Variants in TRAF1 observed in about 807,000 individuals in gnomAD.
The protein encoded by TRAF1 is TNF receptor-associated factor 1.
A neutral mutation model predicts 40.9 loss-of-function variants in TRAF1; 23 were observed. The observed-to-expected ratio is 0.56, with a 90% CI of 0.40 to 0.80. TRAF1 has a LOEUF of 0.80. TRAF1 is among the 30% of genes least tolerant of loss of function. TRAF1 has a pLI of 0.00. For synonymous variants in TRAF1, 206 were observed against 218.8 expected (o/e 0.94, Z 0.52); for missense variants, 477 against 528.7 (o/e 0.90, Z 0.96).
chr9:120,926,357 G>A (rs971231768), intron 1 of TRAF1, 56 bp from the exon 2 acceptor site: 5 of 268,962 alleles, frequency 1.9e-5, no homozygotes, highest in African/African-American at 4.4e-5. Context: ...AAGCAAGAGA[G>A]CAAGTCAGAG....
chr9:120,906,859 C>CTTTTGT (rs372305964), intron 7 of TRAF1, among the ~76,000 whole-genome samples: 8 of 152,238 alleles, frequency 5.3e-5, no homozygotes, highest in East Asian at 1.9e-4. Flanking sequence ...GTCTCCATAG[C>CTTTTGT]TTTTGTTTTT....
chr9:120,919,622 G>A (rs1233509066), intron 3 of TRAF1, among the ~76,000 whole-genome samples: 2 of 152,178 alleles, frequency 1.3e-5, no homozygotes, highest in African/African-American at 4.8e-5. Flanking sequence ...CAGTCACATG[G>A]GGAGCTTGGT....
At position 120,926,139 on chromosome 9, in the gene TRAF1, T is replaced by A. The variant is rs894423069; in HGVS notation, c.-64A>T. The stretch of plus-strand genomic sequence containing the variant: ...GCTCCAGGGCAGGGGACCAGCCTTG[T>A]GGAGTCCTGGCCTGGGCCTCACTCT... On this transcript the variant is annotated 5_prime_UTR_variant, in exon 2 of 8. Transcript: ENST00000373887. 6 of 1,466,826 alleles carry A rather than the reference T, an allele frequency of 4.1e-6. No individual in the cohort carries two copies. The African/African-American group carries it at 8.5e-5, about 21-fold the overall frequency. The allele number at this position is 1,466,826 out of a possible 1,614,324, so 90.9% of individuals were successfully genotyped here.
In TRAF1 at chr9:120,926,319, C is replaced by T; in HGVS notation, c.-226-18G>A. The T allele has an allele frequency of 2.9e-6, 1 of 339,240 alleles. No individual in the cohort carries two copies. Among genetic ancestry groups the T allele is most frequent in the Non-Finnish European group, 5.2e-6 (1 of 193,014 alleles). The allele number at this position is 339,240 out of a possible 1,614,324, so 21.0% of individuals were successfully genotyped here. ...ACTGAAGGCTTTAGGAGTGTCCAGT[C>T]ATTTTTTTTTTTTTTTAGAGTGAGA... On this transcript the variant is annotated intron_variant, in intron 1 of 7. Transcript: ENST00000373887.
Position 120,923,685 on chromosome 9 carries a change from T to C in TRAF1, c.228+20A>G, listed in dbSNP as rs2046619266. 2 of 1,613,492 alleles carry C rather than the reference T, an allele frequency of 1.2e-6. No individual in the cohort carries two copies. ...AATCAAGACAACGGACAAATGCCTT[T>C]CTGTGATGTGCCAACGTACCTTCTC... On this transcript the variant is annotated intron_variant, in intron 3 of 7. Transcript: ENST00000373887.
rs568283719 is a variant in TRAF1 at position 120,909,248 on chromosome 9, C to G, written c.1014G>C (p.Pro338=). The G allele has an allele frequency of 1.4e-5, 22 of 1,614,048 alleles. 1 individual carries two copies. The South Asian group carries it at 2.0e-4, about 15-fold the overall frequency. The change falls in exon 7 of 8, where the codon CCG becomes CCC. Residue 338 remains proline (P), a synonymous_variant. Transcript: ENST00000373887. ...CCCATACCTTGTTCCGGAAGGGCCA[C>G]GGCAGCAGCGCATCATACTCCCCTC... ...IMRGEYDALL[P]WPFRNKVTFM... is the part of the protein sequence containing the mutation.
chr9:120,924,480 T>C (rs1259745073), intron 2 of TRAF1, among the ~76,000 whole-genome samples: 1 of 152,136 alleles, frequency 6.6e-6, no homozygotes, highest in Non-Finnish European at 1.5e-5. Flanking sequence ...AGTGGTGCGA[T>C]CTCAGCTCAC....
chr9:120,907,339 C>T (rs2046491064), intron 7 of TRAF1, among the ~76,000 whole-genome samples: 1 of 152,200 alleles, frequency 6.6e-6, no homozygotes, highest in Non-Finnish European at 1.5e-5. Context: ...TCTGGATGCA[C>T]CACAGTTTAT....
chr9:120,908,081 T>C (rs2046496911), intron 7 of TRAF1, among the ~76,000 whole-genome samples: 1 of 119,010 alleles, frequency 8.4e-6, no homozygotes, highest in Non-Finnish European at 1.5e-5. Context: ...ATTATTATTA[T>C]TTTATTATTA....
intron 3 of TRAF1, among the ~76,000 whole-genome samples, chr9:120,916,866 T>C (rs2046573159): frequency 6.6e-6 from 1 of 152,212 alleles, no homozygotes; most frequent in Non-Finnish European, 1.5e-5. Flanking sequence ...GTGAGAACAG[T>C]GGAGGGAAGA....
At chr9:120,923,474 G>A (rs563459983) in intron 3 of TRAF1, among the ~76,000 whole-genome samples, 21 of 152,324 alleles carry the variant, frequency 1.4e-4, no homozygotes, top group Admixed American at 4.6e-4. Context: ...GTAGTTTGTG[G>A]ACCCCTGGTC....
At chr9:120,914,118 G>C (rs2416804) in intron 4 of TRAF1, 117 bp downstream of exon 4, 475,780 of 873,232 alleles carry the variant, frequency 0.54, 135,158 homozygotes, top group South Asian at 0.7. Flanking sequence ...TTAGTACAAA[G>C]GACATCCAGA....
intron 7 of TRAF1, among the ~76,000 whole-genome samples, chr9:120,908,254 T>C (rs188873406): frequency 3.3e-5 from 5 of 152,294 alleles, no homozygotes; most frequent in Non-Finnish European, 5.9e-5. Context: ...GTCCATTATG[T>C]AAAAGACAGG....
intron 3 of TRAF1, among the ~76,000 whole-genome samples, chr9:120,921,704 G>T (rs7021049): frequency 0.46 from 69,321 of 151,864 alleles, 18,217 homozygotes; most frequent in South Asian, 0.69. Context: ...CATGCATTTG[G>T]TCCTTACTCT....
At chr9:120,921,099 G>T (rs1416453965) in intron 3 of TRAF1, among the ~76,000 whole-genome samples, 1 of 152,136 alleles carries the variant, frequency 6.6e-6, no homozygotes, top group Non-Finnish European at 1.5e-5. Flanking sequence ...GGAGGGGAGG[G>T]GGCTGATGCC....
intron 3 of TRAF1, among the ~76,000 whole-genome samples, chr9:120,916,912 C>G (rs1476828516): frequency 6.6e-6 from 1 of 151,968 alleles, no homozygotes; most frequent in African/African-American, 2.4e-5. Flanking sequence ...GTGAATATAC[C>G]TGGGGGAGCC....
chr9:120,905,963 T>C (rs1415504388), intron 7 of TRAF1, among the ~76,000 whole-genome samples: 2 of 150,104 alleles, frequency 1.3e-5, no homozygotes, highest in African/African-American at 4.8e-5. Flanking sequence ...CTGTCACTGG[T>C]GTTTTAAAAA....
intron 2 of TRAF1, among the ~76,000 whole-genome samples, chr9:120,924,965 C>T (rs1269691319): frequency 2.6e-5 from 4 of 152,340 alleles, no homozygotes; most frequent in African/African-American, 9.6e-5. Context: ...GACCCACTAC[C>T]AGAGCCTGAG....
At chr9:120,909,124 AGGGT>A (rs2046505251) in intron 7 of TRAF1, 102 bp downstream of exon 7, 2 of 1,364,734 alleles carry the variant, frequency 1.5e-6, no homozygotes, top group Non-Finnish European at 2.0e-6. Context: ...TAACACAGAG[AGGGT>A]GGGGGACTTG....
Sources: allele counts gnomAD v4.1 joint callset (sites outside exome capture counted in the v4.1 genomes callset), GRCh38; gene constraint gnomAD v4.1.1; transcripts MANE v1.5; gene names NCBI Gene and HGNC (gene_info 2026-07-23, HGNC 2026-07-21).